Variants in ANO1 observed in about 807,000 individuals in gnomAD.
ANO1 encodes anoctamin 1.
A neutral mutation model predicts 124.0 loss-of-function variants in ANO1; 59 were observed. The ratio of observed to expected loss-of-function variants is 0.48; its 90% CI spans 0.39 to 0.59. The LOEUF is 0.59. Among genes scored for constraint, ANO1 ranks in the 20% least tolerant of loss-of-function variants. The pLI, the probability that ANO1 is intolerant of heterozygous loss-of-function variation, is 0.00. For missense variants in ANO1, 1,059 were observed against 1,328.0 expected, an observed-to-expected ratio of 0.80 and a Z score of 3.15; for synonymous variants, 529 against 532.0, an observed-to-expected ratio of 0.99 and a Z score of 0.08.
chr11:70,051,926 A>G (rs145792549), intron 1 of ANO1, among the ~76,000 whole-genome samples: 16 of 152,284 alleles, frequency 1.1e-4, no homozygotes, highest in African/African-American at 3.9e-4. Context: ...CTTTATGGTT[A>G]CTGATTTCTG....
chr11:70,053,866 T>C (rs536426573), intron 1 of ANO1, among the ~76,000 whole-genome samples: 3 of 152,334 alleles, frequency 2.0e-5, no homozygotes, highest in African/African-American at 7.2e-5. Context: ...TTTGTAGATA[T>C]AGGACATTGT....
intron 7 of ANO1, among the ~76,000 whole-genome samples, chr11:70,115,074 C>T (rs758786900): frequency 6.6e-6 from 1 of 152,070 alleles, no homozygotes; most frequent in Non-Finnish European, 1.5e-5. Context: ...AACTGGGAAA[C>T]ACTAAAAGGA....
chr11:70,013,737 G>A (rs1856643689), intron 1 of ANO1, among the ~76,000 whole-genome samples: 1 of 150,078 alleles, frequency 6.7e-6, no homozygotes, highest in Non-Finnish European at 1.5e-5. Context: ...GGGAAGCGGA[G>A]GTTGCCATGA....
At chr11:70,011,160 G>A (rs1271539453) in intron 1 of ANO1, among the ~76,000 whole-genome samples, 1 of 152,190 alleles carries the variant, frequency 6.6e-6, no homozygotes, top group African/African-American at 2.4e-5. Context: ...AGGCAGAAAG[G>A]TGCAGGAAGG....
chr11:69,982,015 C>T (rs1049990037), upstream of ANO1, among the ~76,000 whole-genome samples: 1 of 152,082 alleles, frequency 6.6e-6, no homozygotes, highest in African/African-American at 2.4e-5. Context: ...CCAATGGTTG[C>T]CAGGGACTGG....
At chr11:70,068,468 T>A (rs535694725) in intron 1 of ANO1, among the ~76,000 whole-genome samples, 1 of 152,302 alleles carries the variant, frequency 6.6e-6, no homozygotes, top group Admixed American at 6.5e-5. Context: ...AGGTCCCTGC[T>A]TTCCTGGTGC....
chr11:70,027,023 G>C (rs1856920388), intron 1 of ANO1, among the ~76,000 whole-genome samples: 1 of 152,124 alleles, frequency 6.6e-6, no homozygotes, highest in Non-Finnish European at 1.5e-5. Flanking sequence ...GCTCAAATGT[G>C]ACCTCCTCAG....
chr11:70,147,611 C>G (rs1334308327), intron 11 of ANO1, among the ~76,000 whole-genome samples: 2 of 152,202 alleles, frequency 1.3e-5, no homozygotes, highest in African/African-American at 4.8e-5. Flanking sequence ...CAGTGGGAAG[C>G]CCTTTTGGGA....
intron 1 of ANO1, among the ~76,000 whole-genome samples, chr11:69,987,747 G>A (rs72931788): frequency 0.14 from 21,660 of 151,900 alleles, 1,635 homozygotes; most frequent in African/African-American, 0.17. Context: ...TGAGGAAACC[G>A]TTCCCTGTGC....
At chr11:70,023,584 C>T (rs1856841933) in intron 1 of ANO1, among the ~76,000 whole-genome samples, 1 of 152,176 alleles carries the variant, frequency 6.6e-6, no homozygotes, top group Non-Finnish European at 1.5e-5. Flanking sequence ...CTGCCAACAT[C>T]AGGGCTTAGG....
Position 70,109,179 on chromosome 11 carries a change from G to A in ANO1, c.799+775G>A, listed in dbSNP as rs7952388. 1.2e-3 allele frequency among the ~76,000 whole-genome samples: 183 copies of A among 152,304 alleles called. 3 individuals carry two copies. Among genetic ancestry groups the A allele is most frequent in the African/African-American group, 4.2e-3 (173 of 41,558 alleles). ...CTGAAAGGATGAGGCCATGGCTCCC[G>A]GGGGACACAGCAGGTCTGGTGAAAG... On this transcript the variant is annotated intron_variant, in intron 6 of 25. Transcript: ENST00000355303.
In ANO1 at chr11:70,116,369, T is replaced by G. The variant is rs1230332483; in HGVS notation, c.856-89T>G. ...CTTAATTTGTGTCAACGAGAGCTGC[T>G]GGGGTTTATGTTTTGAAACATAATG... On this transcript the variant is annotated intron_variant, in intron 7 of 25. Coordinates refer to ENST00000355303, the MANE Select transcript of ANO1 (RefSeq NM_018043.7). 7.7e-6 allele frequency: 10 copies of G among 1,292,290 alleles called. No individual in the cohort carries two copies. The Admixed American group carries it at 1.0e-4, about 13-fold the overall frequency. 80.1% of individuals were successfully genotyped at this position (1,292,290 alleles called of 1,614,324 possible).
chr11:70,161,504 C>T, intron 17 of ANO1, 118 bp from the exon 18 acceptor site: 1 of 1,376,520 alleles, frequency 7.3e-7, no homozygotes, highest in Non-Finnish European at 1.0e-6. Flanking sequence ...GAGCACAGGC[C>T]ATGGTGCGCC....
chr11:70,152,605 G>T, intron 13 of ANO1, 144 bp downstream of exon 13: 1 of 982,624 alleles, frequency 1.0e-6, no homozygotes. Context: ...CCCCACCTCC[G>T]GTCTCTCCTA....
At chr11:70,027,379 T>C (rs1856925604) in intron 1 of ANO1, among the ~76,000 whole-genome samples, 1 of 152,186 alleles carries the variant, frequency 6.6e-6, no homozygotes, top group Non-Finnish European at 1.5e-5. Context: ...ATGTAACTTA[T>C]TGAATACTGG....
At chr11:70,122,126 CTG>C (rs368355962) in intron 8 of ANO1, among the ~76,000 whole-genome samples, 327 of 125,994 alleles carry the variant, frequency 2.6e-3, no homozygotes, top group Non-Finnish European at 2.8e-3. Flanking sequence ...CTCTCTATCT[CTG>C]TCTCTCCATC....
chr11:70,162,399 G>T (rs1019683957), intron 18 of ANO1, among the ~76,000 whole-genome samples: 2 of 152,142 alleles, frequency 1.3e-5, no homozygotes, highest in African/African-American at 4.8e-5. Flanking sequence ...GCCAGCTCCA[G>T]GTGCTCCCAC....
intron 1 of ANO1, among the ~76,000 whole-genome samples, chr11:70,059,533 G>A (rs1036236729): frequency 3.3e-5 from 5 of 152,032 alleles, no homozygotes. Flanking sequence ...TCAAATTTAC[G>A]GACACGGGGC....
chr11:69,999,299 A>G (rs1565157215), intron 1 of ANO1, among the ~76,000 whole-genome samples: 1 of 152,140 alleles, frequency 6.6e-6, no homozygotes, highest in Non-Finnish European at 1.5e-5. Flanking sequence ...ACTGAATCTC[A>G]TGAGAACTCA....
Sources: allele counts gnomAD v4.1 joint callset (sites outside exome capture counted in the v4.1 genomes callset), GRCh38; gene constraint gnomAD v4.1.1; transcripts MANE v1.5; gene names NCBI Gene and HGNC (gene_info 2026-07-23, HGNC 2026-07-21).